Variants in GNB4 observed in about 807,000 individuals in gnomAD.
GNB4 encodes the protein guanine nucleotide-binding protein subunit beta-4.
Under a neutral mutation model 45.2 loss-of-function variants are expected in GNB4, and 28 were observed. The observed-to-expected ratio is 0.62, with a 90% CI of 0.46 to 0.85. The LOEUF (loss-of-function observed/expected upper bound fraction) is 0.85. GNB4 is among the 40% of genes least tolerant of loss of function. The probability of loss-of-function intolerance (pLI) is 0.00; values close to 1 mark genes in which losing one functional copy is unlikely to be tolerated. For synonymous variants in GNB4, 132 were observed against 143.7 expected, an observed-to-expected ratio of 0.92 and a Z score of 0.58; for missense variants, 321 against 425.4, an observed-to-expected ratio of 0.75 and a Z score of 2.16.
At chr3:179,460,505 A>G in the GNB4 span, among the ~76,000 whole-genome samples, 1 of 152,102 alleles carries the variant, frequency 6.6e-6, no homozygotes, top group East Asian at 1.9e-4. Flanking sequence ...ATTTAAGAAG[A>G]AAAAAAAGTT....
At chr3:179,501,443 C>T in the GNB4 span, among the ~76,000 whole-genome samples, 1 of 151,776 alleles carries the variant, frequency 6.6e-6, no homozygotes, top group African/African-American at 2.4e-5. Flanking sequence ...GGACCACAGG[C>T]ATGTGCCACC....
At position 179,419,521 on chromosome 3, in the gene GNB4, A is replaced by G; in HGVS notation, c.97-16T>C. 1 of 1,433,894 alleles carries G rather than the reference A, an allele frequency of 7.0e-7. No individual in the cohort carries two copies. The highest frequency in any genetic ancestry group is 9.8e-7 in the Non-Finnish European group (1 of 1,016,172). The allele number at this position is 1,433,894 out of a possible 1,614,324, so 88.8% of individuals were successfully genotyped here. On this transcript the variant is annotated splice_polypyrimidine_tract_variant and intron_variant, in intron 3 of 9. Transcript: ENST00000232564. ...TTGATGTAATCTTTTGAAAGCAACA[A>G]AAATGTTATTCTTTACCTTAATCAT...
chr3:179,481,531 G>A, the GNB4 span, among the ~76,000 whole-genome samples: 1 of 152,046 alleles, frequency 6.6e-6, no homozygotes, highest in East Asian at 1.9e-4. Context: ...TTAGAGACAA[G>A]GTCTCACTAT....
the GNB4 span, among the ~76,000 whole-genome samples, chr3:179,486,653 G>A: frequency 6.6e-6 from 1 of 152,300 alleles, no homozygotes; most frequent in Non-Finnish European, 1.5e-5. Flanking sequence ...TCACTGATGT[G>A]ACAGAGTGCA....
At chr3:179,517,828 C>T in the GNB4 span, among the ~76,000 whole-genome samples, 553 of 152,310 alleles carry the variant, frequency 3.6e-3, 2 homozygotes, top group African/African-American at 0.013. Flanking sequence ...GGAAGACAGT[C>T]TTCCCTTGGT....
At chr3:179,426,834 T>G (rs908614774) in intron 1 of GNB4, among the ~76,000 whole-genome samples, 6 of 152,198 alleles carry the variant, frequency 3.9e-5, no homozygotes, top group Non-Finnish European at 8.8e-5. Flanking sequence ...ATCTCTCACC[T>G]GGTCTCCTTT....
intron 2 of GNB4, among the ~76,000 whole-genome samples, chr3:179,424,327 T>C (rs1307503272): frequency 2.0e-5 from 3 of 152,204 alleles, no homozygotes; most frequent in Non-Finnish European, 2.9e-5. Context: ...AAATTCCTTC[T>C]AGTGGGTGCA....
intron 1 of GNB4, among the ~76,000 whole-genome samples, chr3:179,429,336 A>C (rs1274868928): frequency 2.0e-5 from 3 of 152,160 alleles, no homozygotes; most frequent in Non-Finnish European, 4.4e-5. Context: ...GGCACTGGGG[A>C]ACACCGGGAA....
At chr3:179,512,294 T>C in the GNB4 span, among the ~76,000 whole-genome samples, 2 of 152,218 alleles carry the variant, frequency 1.3e-5, no homozygotes, top group Admixed American at 6.5e-5. Flanking sequence ...TCCAGGACCA[T>C]ACATGATGAA....
At chr3:179,407,789 G>C (rs1021083326) in intron 8 of GNB4, among the ~76,000 whole-genome samples, 2 of 151,980 alleles carry the variant, frequency 1.3e-5, no homozygotes, top group African/African-American at 4.8e-5. Context: ...CACCCAAAAA[G>C]ATTACAGGAA....
rs186776148 is a variant in GNB4 at position 179,425,345 on chromosome 3, G to A, written c.57+799C>T. Among the ~76,000 whole-genome samples, 653 of 152,246 alleles carry A rather than the reference G, an allele frequency of 4.3e-3. 9 individuals are homozygous for A. Among genetic ancestry groups the A allele is most frequent in the South Asian group, 0.027 (131 of 4,830 alleles). Reference sequence around the variant, plus strand: ...TTGGCAACTCCTCTCCATCCATTACGCTTTGAAGTTCTAGTGTCTGTTAAT... The same window carrying A: ...TTGGCAACTCCTCTCCATCCATTACACTTTGAAGTTCTAGTGTCTGTTAAT... On this transcript the variant is annotated intron_variant, in intron 2 of 9. Transcript: ENST00000232564.
chr3:179,454,342 C>T (rs1333463453), upstream of GNB4, among the ~76,000 whole-genome samples: 2 of 152,168 alleles, frequency 1.3e-5, no homozygotes, highest in African/African-American at 2.4e-5. Flanking sequence ...AGGTACTCCA[C>T]GAACAAATAA....
At chr3:179,460,720 A>G in the GNB4 span, among the ~76,000 whole-genome samples, 1 of 151,710 alleles carries the variant, frequency 6.6e-6, no homozygotes, top group Admixed American at 6.6e-5. Context: ...CTCACACTGG[A>G]CTCAAATTCC....
the GNB4 span, chr3:179,464,233 A>T: frequency 4.2e-5 from 18 of 426,116 alleles, no homozygotes; most frequent in Non-Finnish European, 6.5e-5. Flanking sequence ...CTGAGGAGGG[A>T]AGATCACTTG....
the GNB4 span, among the ~76,000 whole-genome samples, chr3:179,499,707 A>G: frequency 6.6e-6 from 1 of 152,210 alleles, no homozygotes; most frequent in East Asian, 1.9e-4. Flanking sequence ...CACTCCCACC[A>G]ACAGTGTAAA....
Position 179,400,374 on chromosome 3 carries a change from G to GATGAGT in GNB4, c.*833_*838dup, listed in dbSNP as rs1231071013. ...CCCAATGTTTACCAAACTTCTGAAA[G>GATGAGT]ATGAGTATACGCTACAAACTTAGTT... On this transcript the variant is annotated 3_prime_UTR_variant, in exon 10 of 10. Transcript: ENST00000232564. The GATGAGT allele has an allele frequency of 1.3e-5, 2 of 152,218 alleles. No individual in the cohort carries two copies. The highest frequency in any genetic ancestry group is 2.9e-5 in the Non-Finnish European group (2 of 68,038). 9.4% of individuals were successfully genotyped at this position (152,218 alleles called of 1,614,324 possible). A position where few individuals can be genotyped will look rare whatever the true frequency, so the allele number is the denominator to read the frequency against.
chr3:179,413,137 C>T (rs924451098), intron 8 of GNB4, among the ~76,000 whole-genome samples: 33 of 151,786 alleles, frequency 2.2e-4, no homozygotes, highest in Non-Finnish European at 5.9e-5. Flanking sequence ...GTGACTGCAC[C>T]GCTGCACTCC....
intron 9 of GNB4, among the ~76,000 whole-genome samples, chr3:179,403,176 G>A (rs1258382137): frequency 1.3e-5 from 2 of 152,080 alleles, no homozygotes; most frequent in African/African-American, 2.4e-5. Flanking sequence ...AATGGAGGCC[G>A]AGTCAGCACA....
At chr3:179,447,553 G>A (rs181837794) in intron 1 of GNB4, among the ~76,000 whole-genome samples, 125 of 152,044 alleles carry the variant, frequency 8.2e-4, no homozygotes, top group Admixed American at 4.2e-3. Context: ...GGGTTCTGAC[G>A]ACTGAGATAT....
Sources: gnomAD v4.1 joint callset for allele counts (sites outside exome capture counted in the v4.1 genomes callset) on GRCh38, gnomAD v4.1.1 for gene constraint, MANE v1.5 for transcripts, NCBI Gene and HGNC (gene_info 2026-07-23, HGNC 2026-07-21) for gene names.